The following RAPGEF4 variants were observed in gnomAD, a reference collection of about 807,000 sequenced individuals.
RAPGEF4 encodes the protein RAP guanine-nucleotide-exchange factor (GEF) 4.
A neutral mutation model predicts 147.9 loss-of-function variants in RAPGEF4; 66 were observed. The ratio of observed to expected loss-of-function variants is 0.45; its 90% CI spans 0.37 to 0.55. The LOEUF (loss-of-function observed/expected upper bound fraction) is 0.55, where lower values mean the gene tolerates loss of function less well. Among genes scored for constraint, RAPGEF4 ranks in the 20% least tolerant of loss-of-function variants. The probability of loss-of-function intolerance (pLI) is 0.00; values close to 1 mark genes in which losing one functional copy is unlikely to be tolerated. For missense variants in RAPGEF4, 1,071 were observed against 1,257.3 expected, an observed-to-expected ratio of 0.85 and a Z score of 2.24; for synonymous variants, 419 against 442.7, an observed-to-expected ratio of 0.95 and a Z score of 0.67.
At chr2:172,786,357 A>G (rs951377115) in intron 1 of RAPGEF4, among the ~76,000 whole-genome samples, 1 of 152,090 alleles carries the variant, frequency 6.6e-6, no homozygotes, top group African/African-American at 2.4e-5. Flanking sequence ...TTGCCACTAG[A>G]TTGTGAGCTC....
chr2:172,896,852 G>C (rs1698531140), intron 4 of RAPGEF4, among the ~76,000 whole-genome samples: 1 of 152,142 alleles, frequency 6.6e-6, no homozygotes, highest in Non-Finnish European at 1.5e-5. Flanking sequence ...TTCTCCTTTT[G>C]TTTGGAAAAA....
intron 4 of RAPGEF4, among the ~76,000 whole-genome samples, chr2:172,831,979 A>G (rs1415524235): frequency 4.6e-5 from 7 of 152,190 alleles, no homozygotes; most frequent in African/African-American, 1.4e-4. Flanking sequence ...TTGAGTTCGT[A>G]AAATTGGGTT....
intron 4 of RAPGEF4, 156 bp downstream of exon 4, chr2:172,814,581 G>A: frequency 2.3e-6 from 2 of 872,232 alleles, no homozygotes; most frequent in Non-Finnish European, 3.6e-6. Context: ...ATGAGTGAGT[G>A]AAAAAGCCAT....
At chr2:173,041,990 T>C (rs571435314) in intron 29 of RAPGEF4, among the ~76,000 whole-genome samples, 2 of 152,238 alleles carry the variant, frequency 1.3e-5, no homozygotes, top group South Asian at 4.2e-4. Flanking sequence ...TAACTGTGCC[T>C]GACCTCCGTG....
intron 23 of RAPGEF4, 62 bp downstream of exon 23, chr2:173,020,777 T>C: frequency 7.3e-7 from 1 of 1,368,334 alleles, no homozygotes; most frequent in Non-Finnish European, 1.0e-6. Flanking sequence ...TGGAGCCTAA[T>C]TTTGCAGTCA....
chr2:172,917,499 T>C (rs1391702684), intron 4 of RAPGEF4: 5 of 624,750 alleles, frequency 8.0e-6, no homozygotes, highest in African/African-American at 1.8e-5. Context: ...GTTTGTGGGG[T>C]TGGGGAGGGG....
At chr2:172,911,087 T>C (rs1700048716) in intron 4 of RAPGEF4, among the ~76,000 whole-genome samples, 2 of 152,164 alleles carry the variant, frequency 1.3e-5, no homozygotes, top group South Asian at 4.1e-4. Context: ...ACTCTGTCCT[T>C]TCTTGAGACT....
chr2:173,014,325 T>A, intron 17 of RAPGEF4, 139 bp from the exon 18 acceptor site: 1 of 1,055,618 alleles, frequency 9.5e-7, no homozygotes. Context: ...TGTGGGGTTT[T>A]TCATGAGGGC....
At chr2:172,898,361 C>T (rs1278533873) in intron 4 of RAPGEF4, among the ~76,000 whole-genome samples, 2 of 152,154 alleles carry the variant, frequency 1.3e-5, no homozygotes, top group Non-Finnish European at 2.9e-5. Context: ...TACCCCACCT[C>T]CCACTCAGCA....
intron 27 of RAPGEF4, among the ~76,000 whole-genome samples, chr2:173,035,590 G>A (rs986783140): frequency 4.0e-5 from 6 of 151,504 alleles, no homozygotes; most frequent in Non-Finnish European, 7.4e-5. Flanking sequence ...AGGCTCAAGC[G>A]ATACTCCTGC....
intron 10 of RAPGEF4, among the ~76,000 whole-genome samples, chr2:172,970,088 A>G (rs1690291871): frequency 6.6e-6 from 1 of 152,168 alleles, no homozygotes; most frequent in South Asian, 2.1e-4. Context: ...TTCTGCTGAA[A>G]TAACAGCTCC....
intron 11 of RAPGEF4, 74 bp from the exon 12 acceptor site, chr2:172,985,359 C>T (rs1481466202): frequency 1.1e-5 from 17 of 1,606,604 alleles, no homozygotes; most frequent in Non-Finnish European, 1.4e-5. Context: ...ATTGTGCCCC[C>T]AGAAAGAGTA....
chr2:172,974,910 G>C (rs1165241627), intron 10 of RAPGEF4, among the ~76,000 whole-genome samples: 3 of 152,092 alleles, frequency 2.0e-5, no homozygotes, highest in Non-Finnish European at 4.4e-5. Flanking sequence ...CTTATGTCCT[G>C]AGTTTTACTA....
At chr2:172,994,486 G>A (rs1333952252) in intron 15 of RAPGEF4, among the ~76,000 whole-genome samples, 7 of 152,142 alleles carry the variant, frequency 4.6e-5, no homozygotes, top group African/African-American at 1.4e-4. Flanking sequence ...CGTCCTGAGC[G>A]GTCTCTCCAT....
At chr2:173,049,181 G>A (rs550695607) in intron 30 of RAPGEF4, among the ~76,000 whole-genome samples, 27 of 152,236 alleles carry the variant, frequency 1.8e-4, no homozygotes, top group African/African-American at 5.8e-4. Context: ...TGAATTTGAG[G>A]TGCTCTTTTA....
At chr2:172,853,015 T>G (rs1026951603) in intron 4 of RAPGEF4, among the ~76,000 whole-genome samples, 1 of 152,110 alleles carries the variant, frequency 6.6e-6, no homozygotes, top group African/African-American at 2.4e-5. Flanking sequence ...ATGATTGTCC[T>G]TTTTATTGAT....
intron 6 of RAPGEF4, among the ~76,000 whole-genome samples, chr2:172,941,084 T>G (rs1687096576): frequency 6.6e-6 from 1 of 152,212 alleles, no homozygotes; most frequent in African/African-American, 2.4e-5. Context: ...TATGACCTTA[T>G]ACTTACATAT....
intron 10 of RAPGEF4, among the ~76,000 whole-genome samples, chr2:172,975,333 A>C (rs1690957946): frequency 6.6e-6 from 1 of 152,220 alleles, no homozygotes; most frequent in Non-Finnish European, 1.5e-5. Flanking sequence ...ATACCACTGT[A>C]TAGTTTATAT....
At chr2:172,858,477 A>G (rs773864628) in intron 4 of RAPGEF4, among the ~76,000 whole-genome samples, 1 of 152,222 alleles carries the variant, frequency 6.6e-6, no homozygotes, top group Non-Finnish European at 1.5e-5. Context: ...TGACCGGCCC[A>G]TAAAGAGCAG....
Sources: allele counts gnomAD v4.1 joint callset (sites outside exome capture counted in the v4.1 genomes callset), GRCh38; gene constraint gnomAD v4.1.1; transcripts MANE v1.5; gene names NCBI Gene and HGNC (gene_info 2026-07-23, HGNC 2026-07-21).